The following PTPRQ variants were observed in gnomAD, a reference collection of about 807,000 sequenced individuals.
The protein encoded by PTPRQ is protein tyrosine phosphatase receptor type Q.
A neutral mutation model predicts 246.0 loss-of-function variants in PTPRQ; 199 were observed. The observed-to-expected ratio is 0.81, with a 90% CI of 0.72 to 0.91. The LOEUF is 0.91. PTPRQ is among the 40% of genes least tolerant of loss of function. The pLI, the probability that PTPRQ is intolerant of heterozygous loss-of-function variation, is 0.00. For synonymous variants in PTPRQ, 869 were observed against 853.2 expected (o/e 1.02, Z -0.32); for missense variants, 2,624 against 2,528.4 (o/e 1.04, Z -0.81).
chr12:80,515,768 T>C (rs1406083817), intron 17 of PTPRQ, among the ~76,000 whole-genome samples: 2 of 149,832 alleles, frequency 1.3e-5, no homozygotes, highest in Non-Finnish European at 3.0e-5. Flanking sequence ...TGAGTGTGTC[T>C]TCAAAATGCA....
At chr12:80,669,931 AT>A (rs1900914777) in intron 41 of PTPRQ, among the ~76,000 whole-genome samples, 2 of 152,036 alleles carry the variant, frequency 1.3e-5, no homozygotes, top group Non-Finnish European at 2.9e-5. Flanking sequence ...CTCAGTTTAT[AT>A]AAATGCCTAT....
chr12:80,613,548 A>C (rs1018034058), intron 28 of PTPRQ, 44 bp from the exon 29 acceptor site: 22 of 1,436,954 alleles, frequency 1.5e-5, no homozygotes, highest in Admixed American at 2.6e-5. Context: ...GATAAAAAGG[A>C]ATACAATATT....
At chr12:80,661,533 A>C (rs1042938909) in intron 39 of PTPRQ, among the ~76,000 whole-genome samples, 1 of 151,616 alleles carries the variant, frequency 6.6e-6, no homozygotes, top group Non-Finnish European at 1.5e-5. Context: ...GTATATGTAC[A>C]CACATATATG....
At chr12:80,607,461 T>C (rs143960213) in intron 27 of PTPRQ, among the ~76,000 whole-genome samples, 13 of 139,838 alleles carry the variant, frequency 9.3e-5, no homozygotes, top group East Asian at 7.9e-4. Context: ...CTTCCTTCCT[T>C]CCTCCCTCCC....
intron 6 of PTPRQ, chr12:80,465,544 C>G (rs1218429516): frequency 6.6e-6 from 1 of 152,184 alleles, no homozygotes; most frequent in Non-Finnish European, 1.5e-5. Flanking sequence ...CGGGTAGAGA[C>G]ACAACCAAAA....
chr12:80,632,894 C>T (rs1368270883), intron 34 of PTPRQ, among the ~76,000 whole-genome samples: 1 of 152,116 alleles, frequency 6.6e-6, no homozygotes, highest in Non-Finnish European at 1.5e-5. Flanking sequence ...AGACTGTTCA[C>T]GAATGGCATG....
At position 80,591,465 on chromosome 12, in the gene PTPRQ, T is replaced by C. The variant is rs1157431916; in HGVS notation, c.4609+3013T>C. Among the ~76,000 whole-genome samples the C allele has an allele frequency of 2.6e-5, 4 of 152,236 alleles. No individual in the cohort carries two copies. In the East Asian group the frequency reaches 7.7e-4, roughly 29 times the overall value. On this transcript the variant is annotated intron_variant, in intron 26 of 44. Coordinates refer to ENST00000644991, the MANE Select transcript of PTPRQ (RefSeq NM_001145026.2). ...TGTCTAGAATAGTTCCCAGTACCAG[T>C]AGATACTCTATAAATATTCCCTGAA...
At chr12:80,467,698 T>C (rs1565725103) in intron 6 of PTPRQ, among the ~76,000 whole-genome samples, 3 of 151,706 alleles carry the variant, frequency 2.0e-5, no homozygotes, top group African/African-American at 7.3e-5. Context: ...TGAGTTCATG[T>C]CCTTTGTAGG....
At chr12:80,581,907 A>C (rs1897451490) in intron 25 of PTPRQ, among the ~76,000 whole-genome samples, 1 of 152,168 alleles carries the variant, frequency 6.6e-6, no homozygotes, top group Non-Finnish European at 1.5e-5. Context: ...TTTATTGCAT[A>C]CTCTGTTGGC....
chr12:80,612,096 GT>G (rs1898574013), intron 28 of PTPRQ, among the ~76,000 whole-genome samples: 1 of 150,164 alleles, frequency 6.7e-6, no homozygotes, highest in African/African-American at 2.4e-5. Flanking sequence ...ACTATTTCAA[GT>G]TGAACAAAAT....
intron 39 of PTPRQ, among the ~76,000 whole-genome samples, chr12:80,658,938 A>C (rs920697488): frequency 6.6e-6 from 1 of 151,986 alleles, no homozygotes; most frequent in Admixed American, 6.6e-5. Flanking sequence ...AACGTCAAAC[A>C]TACTTGTGCT....
chr12:80,610,655 A>T, intron 28 of PTPRQ, 30 bp downstream of exon 28: 3 of 1,537,474 alleles, frequency 2.0e-6, no homozygotes, highest in Non-Finnish European at 2.6e-6. Context: ...CTTGCTAAAA[A>T]TTGACTGAGA....
intron 8 of PTPRQ, among the ~76,000 whole-genome samples, chr12:80,482,544 G>A (rs1396947148): frequency 6.6e-6 from 1 of 150,658 alleles, no homozygotes; most frequent in Non-Finnish European, 1.5e-5. Context: ...TTAAACTAAA[G>A]AGCTTCTGTA....
At chr12:80,621,667 G>A (rs754053195) in intron 32 of PTPRQ, among the ~76,000 whole-genome samples, 61 of 151,916 alleles carry the variant, frequency 4.0e-4, no homozygotes, top group Non-Finnish European at 6.9e-4. Context: ...TAATTCACTA[G>A]CATTTGCAAA....
intron 6 of PTPRQ, chr12:80,462,148 G>A (rs1893204861): frequency 2.5e-6 from 1 of 399,980 alleles, no homozygotes; most frequent in East Asian, 4.1e-5. Flanking sequence ...GGAAAATCCA[G>A]TCACTCCCAC....
chr12:80,657,926 A>G (rs947447045), intron 38 of PTPRQ, 59 bp from the exon 39 acceptor site: 15 of 1,234,422 alleles, frequency 1.2e-5, no homozygotes, highest in Non-Finnish European at 1.2e-5. Flanking sequence ...TTTTATAGTA[A>G]AAAAAGTAGT....
At chr12:80,637,979 G>C (rs768962596) in intron 35 of PTPRQ, among the ~76,000 whole-genome samples, 2 of 152,010 alleles carry the variant, frequency 1.3e-5, no homozygotes, top group Admixed American at 6.6e-5. Context: ...AATCTACCCA[G>C]CTAATAGGCT....
intron 26 of PTPRQ, among the ~76,000 whole-genome samples, chr12:80,592,477 G>T (rs1465446502): frequency 6.6e-6 from 1 of 151,874 alleles, no homozygotes; most frequent in East Asian, 1.9e-4. Flanking sequence ...ATTATATGGG[G>T]AACTGCATAT....
chr12:80,459,568 T>C (rs2120471938), intron 5 of PTPRQ, 85 bp downstream of exon 5: 2 of 396,966 alleles, frequency 5.0e-6, no homozygotes, highest in East Asian at 7.1e-5. Context: ...ATACTATATT[T>C]TTACCAAAGT....
Sources: gnomAD v4.1 joint callset for allele counts (sites outside exome capture counted in the v4.1 genomes callset) on GRCh38, gnomAD v4.1.1 for gene constraint, MANE v1.5 for transcripts, NCBI Gene and HGNC (gene_info 2026-07-23, HGNC 2026-07-21) for gene names.